The following HECW2 variants were observed in gnomAD, a reference collection of about 807,000 sequenced individuals.
The protein encoded by HECW2 is E3 ubiquitin-protein ligase HECW2.
HECW2 carries 61 observed loss-of-function variants against 175.2 expected under a neutral mutation model. The ratio of observed to expected loss-of-function variants is 0.35; its 90% CI spans 0.28 to 0.43. The LOEUF (loss-of-function observed/expected upper bound fraction) is 0.43. Ranked by LOEUF, HECW2 falls within the 20% of genes least tolerant of loss-of-function variation. The probability of loss-of-function intolerance (pLI) is 1.00; values close to 1 mark genes in which losing one functional copy is unlikely to be tolerated. For missense variants in HECW2, 1,524 were observed against 2,000.5 expected, an observed-to-expected ratio of 0.76 and a Z score of 4.54; for synonymous variants, 671 against 731.0, an observed-to-expected ratio of 0.92 and a Z score of 1.32.
chr2:196,566,025 C>T (rs1690174762), intron 1 of HECW2, among the ~76,000 whole-genome samples: 1 of 151,920 alleles, frequency 6.6e-6, no homozygotes, highest in African/African-American at 2.4e-5. Flanking sequence ...TTTTAAATTA[C>T]ATAGGCATTT....
intron 22 of HECW2, among the ~76,000 whole-genome samples, chr2:196,227,452 T>G (rs1029172659): frequency 3.3e-5 from 5 of 152,178 alleles, no homozygotes; most frequent in African/African-American, 4.8e-5. Flanking sequence ...TTTCCTTGAT[T>G]TTGTGTGAGA....
intron 14 of HECW2, among the ~76,000 whole-genome samples, chr2:196,279,284 G>A (rs956263716): frequency 1.3e-5 from 2 of 152,110 alleles, no homozygotes; most frequent in African/African-American, 4.8e-5. Context: ...TCCTGACCTC[G>A]TGATCTGCCT....
At chr2:196,345,876 A>G (rs1259307498) in intron 2 of HECW2, among the ~76,000 whole-genome samples, 2 of 152,118 alleles carry the variant, frequency 1.3e-5, no homozygotes, top group Non-Finnish European at 2.9e-5. Context: ...TGGGAGAAGA[A>G]CTCTCCTATT....
At chr2:196,553,544 C>T (rs561424080) in intron 1 of HECW2, among the ~76,000 whole-genome samples, 11 of 152,308 alleles carry the variant, frequency 7.2e-5, no homozygotes, top group African/African-American at 2.6e-4. Context: ...TTGCCTTACA[C>T]CCTTCAACAA....
At chr2:196,439,399 G>A (rs185560334) in intron 1 of HECW2, among the ~76,000 whole-genome samples, 1 of 152,246 alleles carries the variant, frequency 6.6e-6, no homozygotes, top group African/African-American at 2.4e-5. Flanking sequence ...ACTTAGAAAA[G>A]AAGAAGAAAA....
At chr2:196,468,286 T>G (rs896882054) in intron 1 of HECW2, among the ~76,000 whole-genome samples, 9 of 152,242 alleles carry the variant, frequency 5.9e-5, no homozygotes, top group African/African-American at 1.9e-4. Flanking sequence ...TCAGCTACCG[T>G]GCCCAGCTGG....
chr2:196,280,840 T>C (rs1690157659), intron 14 of HECW2, among the ~76,000 whole-genome samples: 1 of 152,250 alleles, frequency 6.6e-6, no homozygotes, highest in Non-Finnish European at 1.5e-5. Context: ...CCAATGGATG[T>C]GGCTAATACC....
At chr2:196,517,197 C>T (rs1371495409) in intron 1 of HECW2, among the ~76,000 whole-genome samples, 3 of 152,120 alleles carry the variant, frequency 2.0e-5, no homozygotes, top group Non-Finnish European at 4.4e-5. Flanking sequence ...ATCCCTCAGG[C>T]TCATTAAATC....
At position 196,196,854 on chromosome 2, in the gene HECW2, T is replaced by A. The variant is rs117991615; in HGVS notation, c.*4423A>T. The A allele has an allele frequency of 0.03, 4,602 of 152,100 alleles. 301 individuals carry two copies. The highest frequency in any genetic ancestry group is 0.28 in the East Asian group (1,445 of 5,142). 9.4% of individuals were successfully genotyped at this position (152,100 alleles called of 1,614,324 possible). A position where few individuals can be genotyped will look rare whatever the true frequency, so the allele number is the denominator to read the frequency against. ...CACACCTATAATTACTCCTAGCACT[T>A]TGGGAGGCCAAGGCGGGCGGATCGC... On this transcript the variant is annotated 3_prime_UTR_variant, in exon 29 of 29. Coordinates refer to ENST00000644978, the MANE Select transcript of HECW2 (RefSeq NM_001348768.2).
chr2:196,216,883 T>A, intron 27 of HECW2, 125 bp downstream of exon 27: 1 of 620,098 alleles, frequency 1.6e-6, no homozygotes, highest in Non-Finnish European at 2.6e-6. Context: ...CTGGAAATGG[T>A]GTATCTCATA....
chr2:196,343,902 C>T, intron 2 of HECW2, 138 bp from the exon 3 acceptor site: 1 of 606,710 alleles, frequency 1.6e-6, no homozygotes, highest in Non-Finnish European at 2.9e-6. Context: ...ATGACTACCT[C>T]CCAGCAGAGT....
chr2:196,352,140 A>C (rs908850775), intron 2 of HECW2, among the ~76,000 whole-genome samples: 5 of 152,208 alleles, frequency 3.3e-5, no homozygotes, highest in African/African-American at 4.8e-5. Flanking sequence ...TTTTTAACAC[A>C]ATCTCCTTAG....
chr2:196,194,308 ACTTCTATTCTC>A lies in HECW2; in HGVS notation c.*6958_*6968del, dbSNP rs1421831150. On this transcript the variant is annotated 3_prime_UTR_variant, in exon 29 of 29. Transcript: ENST00000644978. ...CTAATGCCATGAAATCTTTATCTCTACTTCTATTCTCCTCCCTTCTGAGTTTTCCCTCCCCA... is the reference window on the plus strand; with the variant it reads ...CTAATGCCATGAAATCTTTATCTCTACTCCCTTCTGAGTTTTCCCTCCCCA... 1 of 151,976 alleles carries A rather than the reference ACTTCTATTCTC, an allele frequency of 6.6e-6. No individual in the cohort carries two copies. Among genetic ancestry groups the A allele is most frequent in the African/African-American group, 2.4e-5 (1 of 41,422 alleles). 9.4% of individuals were successfully genotyped at this position (151,976 alleles called of 1,614,324 possible).
chr2:196,307,352 C>T (rs752748485), intron 11 of HECW2, 119 bp from the exon 12 acceptor site: 6 of 588,808 alleles, frequency 1.0e-5, no homozygotes, highest in African/African-American at 7.5e-5. Context: ...CTCCTCCAAC[C>T]CCCATTCCCT....
chr2:196,469,127 G>GCA (rs1697090245), intron 1 of HECW2, among the ~76,000 whole-genome samples: 1 of 99,958 alleles, frequency 1.0e-5, no homozygotes, highest in Non-Finnish European at 2.0e-5. Flanking sequence ...GTGCGTGTGT[G>GCA]TGTGTGTGTG....
chr2:196,373,604 G>A (rs1200574192), intron 2 of HECW2, among the ~76,000 whole-genome samples: 5 of 151,432 alleles, frequency 3.3e-5, no homozygotes, highest in Non-Finnish European at 5.9e-5. Context: ...CCTATTTCAG[G>A]GTTTATATAC....
intron 14 of HECW2, chr2:196,291,749 A>T (rs1690611269): frequency 2.0e-5 from 3 of 152,242 alleles, no homozygotes; most frequent in Admixed American, 1.3e-4. Flanking sequence ...ACCATTCTGC[A>T]CATGGAGCTG....
At chr2:196,216,264 T>C (rs1005736611) in intron 27 of HECW2, among the ~76,000 whole-genome samples, 3 of 152,188 alleles carry the variant, frequency 2.0e-5, no homozygotes, top group African/African-American at 7.2e-5. Context: ...ACCGGGCACA[T>C]TTCCCACTAT....
intron 13 of HECW2, among the ~76,000 whole-genome samples, chr2:196,293,924 C>G (rs1437611827): frequency 6.6e-6 from 1 of 152,192 alleles, no homozygotes; most frequent in Non-Finnish European, 1.5e-5. Context: ...CAACTGAGAT[C>G]ACAATAGACT....
Sources: allele counts gnomAD v4.1 joint callset (sites outside exome capture counted in the v4.1 genomes callset), GRCh38; gene constraint gnomAD v4.1.1; transcripts MANE v1.5; gene names NCBI Gene and HGNC (gene_info 2026-07-23, HGNC 2026-07-21).